DPYD: variants seen among roughly 807,000 people sequenced by gnomAD.
DPYD encodes the protein dihydropyrimidine dehydrogenase.
Under a neutral mutation model 116.2 loss-of-function variants are expected in DPYD, and 109 were observed. The ratio of observed to expected loss-of-function variants is 0.94; its 90% confidence interval spans 0.80 to 1.10. The LOEUF (loss-of-function observed/expected upper bound fraction) is 1.10. DPYD is among the 50% of genes least tolerant of loss of function. The pLI, the probability that DPYD is intolerant of heterozygous loss-of-function variation, is 0.00. For synonymous variants in DPYD, 440 were observed against 432.0 expected (o/e 1.02, Z -0.23); for missense variants, 1,302 against 1,254.5 (o/e 1.04, Z -0.57).
At chr1:97,127,451 G>A (rs554752487) in intron 20 of DPYD, among the ~76,000 whole-genome samples, 1 of 152,216 alleles carries the variant, frequency 6.6e-6, no homozygotes, top group Admixed American at 6.5e-5. Context: ...ATCTTCCTAC[G>A]CAGCATTTCT....
intron 13 of DPYD, among the ~76,000 whole-genome samples, chr1:97,468,399 T>A (rs1353264349): frequency 6.6e-6 from 1 of 152,146 alleles, no homozygotes. Flanking sequence ...TCCTCATGGA[T>A]CAGATTAGTG....
intron 2 of DPYD, among the ~76,000 whole-genome samples, chr1:97,849,681 C>T (rs1670480664): frequency 6.6e-6 from 1 of 151,966 alleles, no homozygotes; most frequent in African/African-American, 2.4e-5. Context: ...TTCAAAGAAC[C>T]TTAATAATAA....
intron 5 of DPYD, among the ~76,000 whole-genome samples, chr1:97,707,480 TC>T (rs1195252993): frequency 8.0e-6 from 1 of 124,390 alleles, no homozygotes; most frequent in Non-Finnish European, 1.6e-5. Flanking sequence ...AGTGTGATAT[TC>T]CCCTTCCTGT....
intron 8 of DPYD, among the ~76,000 whole-genome samples, chr1:97,612,504 C>T (rs1360605236): frequency 6.6e-6 from 1 of 151,930 alleles, no homozygotes; most frequent in Admixed American, 6.6e-5. Flanking sequence ...CATGTGGCTG[C>T]AAAATAGCTT....
At chr1:97,543,251 C>G (rs1379533571) in intron 12 of DPYD, among the ~76,000 whole-genome samples, 3 of 152,050 alleles carry the variant, frequency 2.0e-5, no homozygotes, top group Non-Finnish European at 4.4e-5. Context: ...GTTCAGAGAG[C>G]CCAAATTTAT....
chr1:97,409,515 T>G (rs12096100), intron 14 of DPYD, among the ~76,000 whole-genome samples: 37,381 of 152,114 alleles, frequency 0.25, 4,715 homozygotes, highest in South Asian at 0.39. Context: ...GAAAGAATCA[T>G]TGAGATGTAA....
intron 7 of DPYD, among the ~76,000 whole-genome samples, chr1:97,690,372 C>A (rs1398076982): frequency 6.6e-6 from 1 of 151,898 alleles, no homozygotes; most frequent in Middle Eastern, 3.2e-3. Flanking sequence ...CCTGTGAAAA[C>A]TGAATGCAAT....
intron 18 of DPYD, among the ~76,000 whole-genome samples, chr1:97,269,395 T>G (rs1328686862): frequency 6.6e-6 from 1 of 152,162 alleles, no homozygotes; most frequent in South Asian, 2.1e-4. Flanking sequence ...TCTAGCCTTC[T>G]CCTCCAAACT....
chr1:97,859,939 G>C (rs1198814773), intron 2 of DPYD, among the ~76,000 whole-genome samples: 2 of 151,854 alleles, frequency 1.3e-5, no homozygotes, highest in East Asian at 1.9e-4. Context: ...GGCTGGGTGT[G>C]GTGGCTCATT....
At chr1:97,128,037 G>A (rs1652981362) in intron 20 of DPYD, among the ~76,000 whole-genome samples, 1 of 152,190 alleles carries the variant, frequency 6.6e-6, no homozygotes, top group Admixed American at 6.5e-5. Context: ...TCATGCTGGA[G>A]TGCAGGTTCC....
At chr1:97,345,160 A>G (rs955856164) in intron 16 of DPYD, among the ~76,000 whole-genome samples, 9 of 151,722 alleles carry the variant, frequency 5.9e-5, no homozygotes, top group African/African-American at 2.2e-4. Flanking sequence ...ATTGTTTGTC[A>G]TTTTCTTAGT....
chr1:97,343,893 C>T (rs1457159873), intron 16 of DPYD, among the ~76,000 whole-genome samples: 2 of 151,688 alleles, frequency 1.3e-5, no homozygotes, highest in Non-Finnish European at 2.9e-5. Flanking sequence ...AATTTTAACT[C>T]GTTTATATTT....
At chr1:97,538,351 C>G (rs760047417) in intron 12 of DPYD, among the ~76,000 whole-genome samples, 1 of 152,168 alleles carries the variant, frequency 6.6e-6, no homozygotes, top group African/African-American at 2.4e-5. Flanking sequence ...ATCACACATT[C>G]ATTTCACATA....
chr1:97,905,523 TTTTCCAAA>T (rs775741880), intron 1 of DPYD, among the ~76,000 whole-genome samples: 5 of 152,036 alleles, frequency 3.3e-5, no homozygotes, highest in Non-Finnish European at 5.9e-5. Flanking sequence ...GCCTATTTCT[TTTTCCAAA>T]TTTCCCAACA....
At chr1:97,919,239 G>A (rs1674377283) in intron 1 of DPYD, among the ~76,000 whole-genome samples, 2 of 152,198 alleles carry the variant, frequency 1.3e-5, no homozygotes, top group South Asian at 4.1e-4. Flanking sequence ...AGCTGAAGGT[G>A]TTTGAACACC....
chr1:97,744,972 T>C (rs781673346), intron 3 of DPYD, among the ~76,000 whole-genome samples: 88 of 152,166 alleles, frequency 5.8e-4, no homozygotes, highest in Admixed American at 9.2e-4. Context: ...CTTTAAAACA[T>C]GATAGGACTA....
chr1:97,310,430 G>C (rs914231888), intron 16 of DPYD, among the ~76,000 whole-genome samples: 1 of 151,728 alleles, frequency 6.6e-6, no homozygotes, highest in African/African-American at 2.4e-5. Context: ...ACTATCGAAG[G>C]CTTCTACTTC....
intron 8 of DPYD, among the ~76,000 whole-genome samples, chr1:97,595,793 A>G (rs1388179619): frequency 6.6e-6 from 1 of 151,878 alleles, no homozygotes; most frequent in Admixed American, 6.6e-5. Flanking sequence ...AGAATAATAA[A>G]AATTGGGAGA....
In DPYD at chr1:97,546,146, C is replaced by T. The variant is rs1324805641; in HGVS notation, c.1524+3414G>A. Reference sequence around the variant, plus strand: ...AAGTATTTGAAAAGGAGCAGTCCTTCTGTGCTGCAGAGGAACAGCCAGCAG... The same window carrying T: ...AAGTATTTGAAAAGGAGCAGTCCTTTTGTGCTGCAGAGGAACAGCCAGCAG... On this transcript the variant is annotated intron_variant, in intron 12 of 22. Transcript: ENST00000370192. 9 of 1,414,252 alleles carry T rather than the reference C, an allele frequency of 6.4e-6. No individual in the cohort carries two copies. In the East Asian group the frequency reaches 1.1e-4, roughly 18 times the overall value. 87.6% of individuals were successfully genotyped at this position (1,414,252 alleles called of 1,614,324 possible).
Sources: allele counts gnomAD v4.1 joint callset (sites outside exome capture counted in the v4.1 genomes callset), GRCh38; gene constraint gnomAD v4.1.1; transcripts MANE v1.5; gene names NCBI Gene and HGNC (gene_info 2026-07-23, HGNC 2026-07-21).